ROBO2: variants seen among roughly 807,000 people sequenced by gnomAD.
ROBO2 encodes the protein roundabout guidance receptor 2, also known as roundabout homolog 2.
Under a neutral mutation model 160.8 loss-of-function variants are expected in ROBO2, and 53 were observed. That is an observed-to-expected ratio of 0.33 (90% CI 0.26 to 0.41). The LOEUF is 0.41. ROBO2 is among the 10% of genes least tolerant of loss of function. The pLI, the probability that ROBO2 is intolerant of heterozygous loss-of-function variation, is 1.00. For synonymous variants in ROBO2, 664 were observed against 611.7 expected (o/e 1.09, Z -1.26); for missense variants, 1,577 against 1,722.4 (o/e 0.92, Z 1.49).
Position 77,003,762 on chromosome 3 carries a change from C to T in ROBO2, c.110-94252C>T, listed in dbSNP as rs534160405. ...ACAGAGTTTTGCCATGTTGACCAGG[C>T]TGGTCTCGAACTCCTGACGTCAGGT... On this transcript the variant is annotated intron_variant, in intron 2 of 26. Coordinates refer to the ROBO2 transcript ENST00000487694. Among the ~76,000 whole-genome samples, 3 of 152,232 alleles carry T rather than the reference C, an allele frequency of 2.0e-5. No homozygotes were observed. In the East Asian group the frequency reaches 5.8e-4, roughly 29 times the overall value.
chr3:77,316,920 G>T, intron 2 of ROBO2: 1 of 1,207,744 alleles, frequency 8.3e-7, no homozygotes, highest in African/African-American at 1.5e-5. Flanking sequence ...AGGCATGAGG[G>T]TCAGTCTGAT....
chr3:76,913,339 C>T (rs1412503245), intron 2 of ROBO2, among the ~76,000 whole-genome samples: 1 of 152,126 alleles, frequency 6.6e-6, no homozygotes, highest in Non-Finnish European at 1.5e-5. Flanking sequence ...TCGTGAAAGC[C>T]TGCAAGCCAT....
intron 2 of ROBO2, among the ~76,000 whole-genome samples, chr3:76,957,120 T>G (rs2079329025): frequency 6.6e-6 from 1 of 152,112 alleles, no homozygotes; most frequent in South Asian, 2.1e-4. Flanking sequence ...ATTAAAATAT[T>G]TGTCTGTTGC....
intron 2 of ROBO2, among the ~76,000 whole-genome samples, chr3:77,156,876 C>T (rs2078059512): frequency 6.6e-6 from 1 of 151,676 alleles, no homozygotes; most frequent in Non-Finnish European, 1.5e-5. Context: ...TCTTCTGTTT[C>T]TAATGCTTAT....
chr3:77,501,318 A>G (rs1016373126), intron 5 of ROBO2, among the ~76,000 whole-genome samples: 1 of 152,074 alleles, frequency 6.6e-6, no homozygotes, highest in East Asian at 1.9e-4. Flanking sequence ...AAAAAAAAAA[A>G]GTTGTTTAAT....
At chr3:76,749,967 T>A (rs567099700) in intron 2 of ROBO2, among the ~76,000 whole-genome samples, 2 of 152,098 alleles carry the variant, frequency 1.3e-5, no homozygotes, top group East Asian at 1.9e-4. Context: ...ATCATCCTGA[T>A]ACCAAAGCCG....
intron 2 of ROBO2, among the ~76,000 whole-genome samples, chr3:76,650,475 CTT>C (rs1253456474): frequency 8.6e-6 from 1 of 115,746 alleles, no homozygotes; most frequent in African/African-American, 3.5e-5. Flanking sequence ...TTTGTTCCTT[CTT>C]TCTCTTTTTT....
At chr3:77,638,608 C>A (rs559834064) in intron 24 of ROBO2, among the ~76,000 whole-genome samples, 38 of 152,286 alleles carry the variant, frequency 2.5e-4, no homozygotes, top group African/African-American at 8.2e-4. Context: ...AAAACCCACA[C>A]ACATCTTAAA....
At chr3:77,509,541 TAGAG>T (rs1472607140) in intron 5 of ROBO2, among the ~76,000 whole-genome samples, 3 of 152,006 alleles carry the variant, frequency 2.0e-5, no homozygotes, top group Non-Finnish European at 4.4e-5. Flanking sequence ...GGATTGGACA[TAGAG>T]AGAATATTTG....
At chr3:77,247,184 T>G (rs1182553713) in intron 2 of ROBO2, among the ~76,000 whole-genome samples, 1 of 152,156 alleles carries the variant, frequency 6.6e-6, no homozygotes, top group Non-Finnish European at 1.5e-5. Flanking sequence ...TGCTAAGAAG[T>G]GCTTTAACTT....
chr3:76,484,819 A>G (rs2079402476), intron 2 of ROBO2, among the ~76,000 whole-genome samples: 2 of 152,176 alleles, frequency 1.3e-5, no homozygotes, highest in African/African-American at 4.8e-5. Context: ...AAAATTTTTA[A>G]AAAAGAATAA....
intron 2 of ROBO2, among the ~76,000 whole-genome samples, chr3:76,481,206 A>C (rs2079187909): frequency 6.6e-6 from 1 of 152,192 alleles, no homozygotes; most frequent in Admixed American, 6.6e-5. Flanking sequence ...GCTGGGTCTC[A>C]AACATTAGTA....
intron 2 of ROBO2, among the ~76,000 whole-genome samples, chr3:77,189,582 T>A (rs1365448332): frequency 6.6e-6 from 1 of 151,936 alleles, no homozygotes; most frequent in Non-Finnish European, 1.5e-5. Context: ...CCGAGTTTAT[T>A]CTCAATATTG....
intron 2 of ROBO2, among the ~76,000 whole-genome samples, chr3:77,281,035 A>G (rs2060205236): frequency 6.6e-6 from 1 of 152,184 alleles, no homozygotes; most frequent in African/African-American, 2.4e-5. Context: ...TCAATAATCA[A>G]TGTCTCTGAG....
At chr3:76,149,981 CAT>C (rs2072103332) in intron 2 of ROBO2, among the ~76,000 whole-genome samples, 2 of 151,338 alleles carry the variant, frequency 1.3e-5, no homozygotes, top group African/African-American at 4.9e-5. Context: ...CTAAAGCACA[CAT>C]CTGTCTAAAG....
At position 76,058,516 on chromosome 3, in the gene ROBO2, T is replaced by C. The variant is rs554923261; in HGVS notation, c.109+120914T>C. Among the ~76,000 whole-genome samples the C allele has an allele frequency of 2.7e-5, 4 of 148,646 alleles. No individual in the cohort carries two copies. The Admixed American group carries it at 2.7e-4, about 10-fold the overall frequency. On this transcript the variant is annotated intron_variant, in intron 2 of 26. Transcript: ENST00000487694. ...ATAAAACTCATTGCGACCTAATTGA[T>C]GAAATAGGTAGAGTGACGATTTCCA...
chr3:77,496,321 A>C (rs1324104514), intron 5 of ROBO2, among the ~76,000 whole-genome samples: 2 of 152,184 alleles, frequency 1.3e-5, no homozygotes, highest in African/African-American at 4.8e-5. Context: ...TCATGAAAGA[A>C]GCATGTACTT....
At chr3:77,101,255 T>G (rs757694584) in intron 2 of ROBO2, among the ~76,000 whole-genome samples, 2 of 152,186 alleles carry the variant, frequency 1.3e-5, no homozygotes, top group Non-Finnish European at 2.9e-5. Flanking sequence ...ATAAACTATG[T>G]GACATGATCA....
At chr3:76,268,124 TC>T (rs1171051804) in intron 2 of ROBO2, among the ~76,000 whole-genome samples, 1 of 152,066 alleles carries the variant, frequency 6.6e-6, no homozygotes, top group African/African-American at 2.4e-5. Flanking sequence ...ACATAAATTA[TC>T]CAAGGAAGGT....
Sources: allele counts gnomAD v4.1 joint callset (sites outside exome capture counted in the v4.1 genomes callset), GRCh38; gene constraint gnomAD v4.1.1; transcripts MANE v1.5; gene names NCBI Gene and HGNC (gene_info 2026-07-23, HGNC 2026-07-21).